Variants in PREP observed in about 807,000 individuals in gnomAD.
PREP encodes prolyl endopeptidase.
Under a neutral mutation model 87.6 loss-of-function variants are expected in PREP, and 29 were observed. That is an observed-to-expected ratio of 0.33 (90% CI 0.25 to 0.45). PREP has a LOEUF of 0.45. PREP is among the 20% of genes least tolerant of loss of function. The pLI, the probability that PREP is intolerant of heterozygous loss-of-function variation, is 1.00. For synonymous variants in PREP, 337 were observed against 328.6 expected (o/e 1.03, Z -0.28); for missense variants, 695 against 886.5 (o/e 0.78, Z 2.74).
chr6:105,291,021 AG>A (rs1219188374), intron 10 of PREP, among the ~76,000 whole-genome samples: 2 of 152,238 alleles, frequency 1.3e-5, no homozygotes, highest in African/African-American at 4.8e-5. Flanking sequence ...TTGGCTTCCC[AG>A]TGCATATAAA....
rs11354337 is a variant in PREP at position 105,385,283 on chromosome 6, TAAAAAAA to T, written c.121-7771_121-7765del. ...AAACTTAGACTTCCTAGATCTGCTT[TAAAAAAA>T]AAAAAAAAAAAAGAAAAAAAGCACA... On this transcript the variant is annotated intron_variant, in intron 2 of 14. Transcript: ENST00000652536. Among the ~76,000 whole-genome samples, 11 of 122,642 alleles carry T rather than the reference TAAAAAAA, an allele frequency of 9.0e-5. No homozygotes were observed. In the East Asian group the frequency reaches 1.4e-3, roughly 16 times the overall value. The allele number at this position is 122,642 out of a possible 152,430, so 80.5% of individuals were successfully genotyped here. A position where few individuals can be genotyped will look rare whatever the true frequency, so the allele number is the denominator to read the frequency against.
At chr6:105,373,343 G>T in intron 5 of PREP, 26 bp downstream of exon 5, 1 of 1,604,094 alleles carries the variant, frequency 6.2e-7, no homozygotes, top group South Asian at 1.1e-5. Flanking sequence ...TGTGAAAAAT[G>T]TGCTTCATCT....
chr6:105,359,897 T>G (rs1187323238), intron 6 of PREP, among the ~76,000 whole-genome samples: 1 of 152,214 alleles, frequency 6.6e-6, no homozygotes, highest in Non-Finnish European at 1.5e-5. Context: ...TCTGCTGCGA[T>G]CGTTCGTCAC....
At chr6:105,357,551 T>C (rs1583078785) in intron 6 of PREP, among the ~76,000 whole-genome samples, 1 of 152,326 alleles carries the variant, frequency 6.6e-6, no homozygotes, top group Admixed American at 6.5e-5. Flanking sequence ...TAAAATTTGC[T>C]AAACTGAAAA....
In PREP at chr6:105,377,371, TA is replaced by T. The variant is rs1562222758; in HGVS notation, c.254+14del. 2 of 1,583,676 alleles carry T rather than the reference TA, an allele frequency of 1.3e-6. No individual in the cohort carries two copies. Among genetic ancestry groups the T allele is most frequent in the Non-Finnish European group, 1.7e-6 (2 of 1,169,478 alleles). ...CTTTGAAAATAAAAAGGAAATTCAG[TA>T]AAAGCAGTCTCACCGTTTTCCTTTC... On this transcript the variant is annotated intron_variant, in intron 3 of 14. Coordinates refer to ENST00000652536, the MANE Select transcript of PREP (RefSeq NM_002726.5).
At chr6:105,362,447 CG>C (rs1443727533) in intron 6 of PREP, among the ~76,000 whole-genome samples, 1 of 152,108 alleles carries the variant, frequency 6.6e-6, no homozygotes, top group African/African-American at 2.4e-5. Flanking sequence ...GGCGACAGAG[CG>C]AGACTCCATC....
chr6:105,283,633 ATTAAATT>A (rs1402231073), intron 12 of PREP, among the ~76,000 whole-genome samples: 3 of 152,240 alleles, frequency 2.0e-5, no homozygotes, highest in African/African-American at 7.2e-5. Context: ...TAAAAAGAGC[ATTAAATT>A]TTAAAGTCAA....
intron 8 of PREP, among the ~76,000 whole-genome samples, chr6:105,331,264 C>G (rs1771326227): frequency 6.6e-6 from 1 of 152,138 alleles, no homozygotes; most frequent in South Asian, 2.1e-4. Context: ...CCTTTCCAGT[C>G]TGAAAATCTT....
At position 105,402,879 on chromosome 6, in the gene PREP, GA is replaced by G; in HGVS notation, c.12del (p.Gln5SerfsTer63). MLS[L>X]QYPDVYRDET... The stretch of plus-strand genomic sequence containing the variant: ...TCGTCGCGGTACACGTCGGGGTACT[GA>G]AGGGACAGCATGGCCGGGGACAGGC... On this transcript the variant is annotated frameshift_variant, in exon 1 of 15. Coordinates refer to ENST00000652536, the MANE Select transcript of PREP (RefSeq NM_002726.5). LOFTEE classifies it high-confidence loss of function. 1 of 1,539,236 alleles carries G rather than the reference GA, an allele frequency of 6.5e-7. No homozygotes were observed. The highest frequency in any genetic ancestry group is 1.2e-5 in the South Asian group (1 of 82,992).
intron 11 of PREP, among the ~76,000 whole-genome samples, chr6:105,286,653 A>G (rs1211673510): frequency 4.6e-5 from 7 of 152,152 alleles, no homozygotes; most frequent in African/African-American, 1.7e-4. Context: ...GAAGGTTCTC[A>G]ATGGTTTGAA....
chr6:105,277,942 T>A lies in PREP; in HGVS notation c.*202A>T. 1.4e-6 allele frequency: 1 copy of A among 727,588 alleles called. No homozygotes were observed. Among genetic ancestry groups the A allele is most frequent in the Non-Finnish European group, 2.2e-6 (1 of 449,864 alleles). 45.1% of individuals were successfully genotyped at this position (727,588 alleles called of 1,614,324 possible). On this transcript the variant is annotated 3_prime_UTR_variant, in exon 15 of 15. Coordinates refer to ENST00000652536, the MANE Select transcript of PREP (RefSeq NM_002726.5). ...AAAAACCACATGTGCCTAGACAGGG[T>A]GGAAAAAGAAACACCAAGGCCTTGC... is the stretch of plus-strand genomic sequence containing the variant.
At chr6:105,386,940 C>T (rs1481707588) in intron 2 of PREP, among the ~76,000 whole-genome samples, 4 of 152,136 alleles carry the variant, frequency 2.6e-5, no homozygotes, top group Non-Finnish European at 5.9e-5. Flanking sequence ...AGGCCGGGTG[C>T]GGTGTTTCAT....
At position 105,333,368 on chromosome 6, in the gene PREP, G is replaced by T; in HGVS notation, c.961C>A (p.Pro321Thr). Residue 321 changes from proline to threonine, a missense_variant, in exon 8 of 15, where the codon CCT becomes ACT. By Grantham distance (38) the Pro-to-Thr change is conservative (BLOSUM62 -1). Transcript: ENST00000652536. ...AGTACTTTCCACTTAGACTCTTCAGGATCCCTGAAGTCAATGTTGATCACG... is the reference window on the plus strand; with the variant it reads ...AGTACTTTCCACTTAGACTCTTCAGTATCCCTGAAGTCAATGTTGATCACG... ...YRVINIDFRD[P>T]EESKWKVLVP... 6.2e-7 allele frequency: 1 copy of T among 1,614,126 alleles called. No individual in the cohort carries two copies. The highest frequency in any genetic ancestry group is 2.2e-5 in the East Asian group (1 of 44,878).
chr6:105,329,063 T>TA, intron 8 of PREP, 37 bp from the exon 9 acceptor site: 1 of 1,562,316 alleles, frequency 6.4e-7, no homozygotes, highest in Non-Finnish European at 8.8e-7. Flanking sequence ...TAATGCAATT[T>TA]AAAAAATTAA....
At chr6:105,401,863 A>G (rs1474800671) in intron 1 of PREP, among the ~76,000 whole-genome samples, 1 of 152,252 alleles carries the variant, frequency 6.6e-6, no homozygotes, top group Non-Finnish European at 1.5e-5. Flanking sequence ...ATAAATTGGG[A>G]AAGTAAACAG....
intron 2 of PREP, among the ~76,000 whole-genome samples, chr6:105,380,468 T>G (rs1772808102): frequency 6.6e-6 from 1 of 152,152 alleles, no homozygotes; most frequent in South Asian, 2.1e-4. Flanking sequence ...ATTACCGTGC[T>G]TTGGACAGAG....
At chr6:105,398,701 G>T (rs75940603) in intron 1 of PREP, among the ~76,000 whole-genome samples, 1 of 152,082 alleles carries the variant, frequency 6.6e-6, no homozygotes, top group Non-Finnish European at 1.5e-5. Context: ...ACTTGAAGGC[G>T]TTTGAAGGAG....
intron 8 of PREP, among the ~76,000 whole-genome samples, chr6:105,330,239 G>A (rs1009774689): frequency 6.6e-6 from 1 of 152,166 alleles, no homozygotes; most frequent in African/African-American, 2.4e-5. Context: ...GGATGCACGT[G>A]TCTAACAGCT....
intron 10 of PREP, among the ~76,000 whole-genome samples, chr6:105,300,198 G>A (rs553492348): frequency 6.6e-6 from 1 of 152,224 alleles, no homozygotes; most frequent in African/African-American, 2.4e-5. Flanking sequence ...CGCCCAGACT[G>A]TTTTTGTTAT....
Sources: gnomAD v4.1 joint callset for allele counts (sites outside exome capture counted in the v4.1 genomes callset) on GRCh38, gnomAD v4.1.1 for gene constraint, MANE v1.5 for transcripts, NCBI Gene and HGNC (gene_info 2026-07-23, HGNC 2026-07-21) for gene names.